LCOR: variants seen among roughly 807,000 people sequenced by gnomAD.
LCOR encodes the protein ligand dependent nuclear receptor corepressor.
Under a neutral mutation model 64.4 loss-of-function variants are expected in LCOR, and 14 were observed. The observed-to-expected ratio is 0.22, with a 90% CI of 0.14 to 0.34. LCOR has a LOEUF of 0.34. LCOR is among the 10% of genes least tolerant of loss of function. The pLI is 1.00. For missense variants in LCOR, 1,686 were observed against 1,765.3 expected, an observed-to-expected ratio of 0.96 and a Z score of 0.80; for synonymous variants, 643 against 642.5, an observed-to-expected ratio of 1.00 and a Z score of -0.01.
chr10:96,866,905 C>T (rs1313776970), intron 2 of LCOR, among the ~76,000 whole-genome samples: 1 of 152,056 alleles, frequency 6.6e-6, no homozygotes, highest in East Asian at 1.9e-4. Flanking sequence ...GGTTGTGCCA[C>T]CACTTTACAT....
chr10:96,991,769 T>TG lies in LCOR; in HGVS notation c.*6636dup. The stretch of plus-strand genomic sequence containing the variant: ...GGCTCTCCAGCCCAGCCCGAGTCAC[T>TG]GCTCGTTCTGAGGAGCCATCCTTGG... On this transcript the variant is annotated 3_prime_UTR_variant, in exon 8 of 8. Transcript: ENST00000421806. The TG allele has an allele frequency of 6.6e-6, 1 of 152,334 alleles. No homozygotes were observed. Among genetic ancestry groups the TG allele is most frequent in the East Asian group, 1.9e-4 (1 of 5,182 alleles). The allele number at this position is 152,334 out of a possible 1,614,324, so 9.4% of individuals were successfully genotyped here. A position where few individuals can be genotyped will look rare whatever the true frequency, so the allele number is the denominator to read the frequency against.
At position 96,983,317 on chromosome 10, in the gene LCOR, A is replaced by G. The variant is rs1472584445; in HGVS notation, c.2857A>G (p.Lys953Glu). The G allele has an allele frequency of 1.2e-6, 2 of 1,614,140 alleles. No homozygotes were observed. Among genetic ancestry groups the G allele is most frequent in the Non-Finnish European group, 8.5e-7 (1 of 1,180,054 alleles). The part of the protein sequence containing the change: ...GERLEIYVQS[K>E]MDEKNAHIPS... ...GAGATTGGAAATCTATGTTCAGTCTAAAATGGATGAGAAGAATGCTCATAT... is the reference window on the plus strand; with the variant it reads ...GAGATTGGAAATCTATGTTCAGTCTGAAATGGATGAGAAGAATGCTCATAT... Residue 953 changes from lysine to glutamate, a missense_variant, in exon 8 of 8, where the codon AAA becomes GAA. Around this residue, in one of 3 missense-constraint regions of LCOR, gnomAD observed 1,293 missense variants for 1,410.4 expected, o/e 0.92. Transcript: ENST00000421806. The surrounding 1 kb of genome is among the most constrained non-coding windows in gnomAD (Gnocchi z 4.5).
intron 7 of LCOR, among the ~76,000 whole-genome samples, chr10:96,974,620 CCT>C (rs1257594155): frequency 1.3e-5 from 2 of 152,140 alleles, no homozygotes; most frequent in Non-Finnish European, 2.9e-5. Flanking sequence ...CAGAAAATTG[CCT>C]CTCTCTGGTT....
Position 96,979,524 on chromosome 10 carries a change from ACT to A in LCOR, c.333-1268_333-1267del, listed in dbSNP as rs1484030125. 2.0e-5 allele frequency among the ~76,000 whole-genome samples: 3 copies of A among 152,206 alleles called. No homozygotes were observed. The East Asian group carries it at 5.8e-4, about 29-fold the overall frequency. On this transcript the variant is annotated intron_variant, in intron 7 of 7. Transcript: ENST00000421806. ...TCTAAGGATTTGTCCTGGGTGACTTACTTAAATGGTGGAAAGGGGTTTTTAAC... is the reference window on the plus strand; with the variant it reads ...TCTAAGGATTTGTCCTGGGTGACTTATAAATGGTGGAAAGGGGTTTTTAAC...
chr10:96,876,545 A>G (rs528610820), intron 2 of LCOR, among the ~76,000 whole-genome samples: 1 of 152,352 alleles, frequency 6.6e-6, no homozygotes, highest in African/African-American at 2.4e-5. Flanking sequence ...GAGAAAAAAG[A>G]TGGCAGCTTT....
chr10:96,832,761 A>C (rs1845364614), intron 1 of LCOR, among the ~76,000 whole-genome samples: 1 of 149,702 alleles, frequency 6.7e-6, no homozygotes. Flanking sequence ...CCGCCGGCTT[A>C]TTGTGGCGAC....
intron 2 of LCOR, among the ~76,000 whole-genome samples, chr10:96,858,471 A>T (rs2134388818): frequency 6.6e-6 from 1 of 152,362 alleles, no homozygotes; most frequent in South Asian, 2.1e-4. Context: ...TTACTGACAT[A>T]CTATGTGTGT....
chr10:96,973,001 G>C (rs1848011009), intron 7 of LCOR, among the ~76,000 whole-genome samples: 1 of 152,180 alleles, frequency 6.6e-6, no homozygotes, highest in African/African-American at 2.4e-5. Context: ...TTCTATAGGG[G>C]TGAAGAGATA....
At chr10:96,888,318 C>T (rs1318140761) in intron 2 of LCOR, among the ~76,000 whole-genome samples, 3 of 114,610 alleles carry the variant, frequency 2.6e-5, no homozygotes, top group Non-Finnish European at 4.9e-5. Context: ...TGAGCCAGAT[C>T]ATGCCACTGC....
At chr10:96,845,837 G>A (rs758609341) in intron 2 of LCOR, among the ~76,000 whole-genome samples, 2 of 151,814 alleles carry the variant, frequency 1.3e-5, no homozygotes, top group Non-Finnish European at 2.9e-5. Context: ...ATAATCTTTG[G>A]TCATTGTTAC....
At chr10:96,883,455 G>A (rs1846295373) in intron 2 of LCOR, among the ~76,000 whole-genome samples, 1 of 152,202 alleles carries the variant, frequency 6.6e-6, no homozygotes, top group South Asian at 2.1e-4. Flanking sequence ...CTTCCAAAGT[G>A]GTTGTACAAT....
At chr10:96,869,010 A>T (rs1846025307) in intron 2 of LCOR, among the ~76,000 whole-genome samples, 1 of 152,156 alleles carries the variant, frequency 6.6e-6, no homozygotes, top group Non-Finnish European at 1.5e-5. Flanking sequence ...GGTTCAAATG[A>T]TTCTCCCACC....
At chr10:96,908,861 G>A (rs192402652) in intron 4 of LCOR, among the ~76,000 whole-genome samples, 1,546 of 152,038 alleles carry the variant, frequency 0.01, 17 homozygotes, top group Middle Eastern at 0.024. Context: ...GACTACAGGC[G>A]CCCGCCACCT....
At chr10:96,885,740 C>G (rs1846332048) in intron 2 of LCOR, among the ~76,000 whole-genome samples, 1 of 150,108 alleles carries the variant, frequency 6.7e-6, no homozygotes, top group Admixed American at 6.6e-5. Context: ...TTGGGTTGTT[C>G]AGGATGAACC....
At chr10:96,846,356 G>GCAATCCTCC (rs1329814633) in intron 2 of LCOR, among the ~76,000 whole-genome samples, 6 of 152,146 alleles carry the variant, frequency 3.9e-5, no homozygotes, top group Admixed American at 2.6e-4. Context: ...CCAGGCTCAA[G>GCAATCCTCC]CAATCCTCCC....
Position 96,983,344 on chromosome 10 carries a change from C to A in LCOR, c.2884C>A (p.Pro962Thr). The change falls in exon 8 of 8, where the codon CCC becomes ACC. Residue 962 changes from proline (P) to threonine (T), a missense_variant. Coordinates refer to ENST00000421806, the MANE Select transcript of LCOR (RefSeq NM_001346516.2). The surrounding 1 kb of genome is among the most constrained non-coding windows in gnomAD (Gnocchi z 4.5). ...SKMDEKNAHIPSESIACKRDP... is the reference protein window; with the variant it reads ...SKMDEKNAHITSESIACKRDP... The stretch of plus-strand genomic sequence containing the variant: ...AATGGATGAGAAGAATGCTCATATC[C>A]CCTCAGAAAGTATTGCTTGTAAGAG... The A allele has an allele frequency of 1.2e-6, 2 of 1,614,150 alleles. No individual in the cohort carries two copies. The highest frequency in any genetic ancestry group is 1.7e-6 in the Non-Finnish European group (2 of 1,180,028).
intron 4 of LCOR, among the ~76,000 whole-genome samples, chr10:96,940,116 G>A (rs761628334): frequency 6.6e-6 from 1 of 152,040 alleles, no homozygotes; most frequent in South Asian, 2.1e-4. Flanking sequence ...ACTAAAATGG[G>A]TATAATAAAA....
intron 4 of LCOR, among the ~76,000 whole-genome samples, chr10:96,917,385 T>G (rs1181233329): frequency 6.6e-6 from 1 of 152,242 alleles, no homozygotes; most frequent in Non-Finnish European, 1.5e-5. Context: ...ATAAGGAGTT[T>G]TAAATCATCC....
At chr10:96,975,709 T>G (rs1375720179) in intron 7 of LCOR, among the ~76,000 whole-genome samples, 1 of 151,594 alleles carries the variant, frequency 6.6e-6, no homozygotes, top group Non-Finnish European at 1.5e-5. Context: ...AGATAAAAAT[T>G]ATAGGATAAA....
Sources: gnomAD v4.1 joint callset for allele counts (sites outside exome capture counted in the v4.1 genomes callset) on GRCh38, gnomAD v4.1.1 for gene constraint, gnomAD v4.1.1 regional missense constraint, Gnocchi (gnomAD v3.1) non-coding constraint, MANE v1.5 for transcripts, NCBI Gene and HGNC (gene_info 2026-07-23, HGNC 2026-07-21) for gene names.